The following UTP20 variants were observed in gnomAD, a reference collection of about 807,000 sequenced individuals.
The protein encoded by UTP20 is small subunit processome component 20 homolog.
Under a neutral mutation model 329.5 loss-of-function variants are expected in UTP20, and 164 were observed. That is an observed-to-expected ratio of 0.50 (90% CI 0.44 to 0.57). The LOEUF is 0.57. Ranked by LOEUF, UTP20 falls within the 20% of genes least tolerant of loss-of-function variation. The probability of loss-of-function intolerance (pLI) is 0.00; values close to 1 mark genes in which losing one functional copy is unlikely to be tolerated. For missense variants in UTP20, 3,055 were observed against 3,284.2 expected, an observed-to-expected ratio of 0.93 and a Z score of 1.71; for synonymous variants, 1,151 against 1,159.3, an observed-to-expected ratio of 0.99 and a Z score of 0.14.
chr12:101,302,701 C>T (rs1276481635), intron 15 of UTP20, 148 bp downstream of exon 15: 7 of 558,460 alleles, frequency 1.3e-5, no homozygotes, highest in African/African-American at 1.2e-4. Flanking sequence ...GATTTAGATC[C>T]TCCAGTTAAA....
At position 101,290,168 on chromosome 12, in the gene UTP20, T is replaced by A. The variant is rs755877160; in HGVS notation, c.629T>A (p.Met210Lys). ...GATAAAAACGCACTTTTCAATTTAA[T>A]GTTTCTTGATCTTGATAAACATCCA... ...VSDKNALFNL[M>K]FLDLDKHPEK... The change falls in exon 7 of 62, where the codon ATG becomes AAG. Residue 210 changes from methionine to lysine, a missense_variant. Physicochemically the swap from Met to Lys is moderately conservative, Grantham distance 95. Around this residue, in one of 3 missense-constraint regions of UTP20, gnomAD observed 2,445 missense variants for 2,575.5 expected, o/e 0.95. Coordinates refer to ENST00000261637, the MANE Select transcript of UTP20 (RefSeq NM_014503.3). 7 of 1,603,702 alleles carry A rather than the reference T, an allele frequency of 4.4e-6. No individual in the cohort carries two copies. The highest frequency in any genetic ancestry group is 6.0e-6 in the Non-Finnish European group (7 of 1,174,460).
intron 15 of UTP20, among the ~76,000 whole-genome samples, chr12:101,305,498 C>T (rs182310350): frequency 6.7e-4 from 100 of 148,982 alleles, no homozygotes; most frequent in African/African-American, 2.3e-3. Context: ...CTCATTAGCT[C>T]GGTGCCTGGC....
chr12:101,359,112 G>A (rs7953939), intron 43 of UTP20, among the ~76,000 whole-genome samples: 33,112 of 151,976 alleles, frequency 0.22, 8,187 homozygotes, highest in African/African-American at 0.58. Context: ...TGTTGCTCAG[G>A]CTGGAGTGCA....
At chr12:101,350,177 A>G (rs1235894660) in intron 38 of UTP20, among the ~76,000 whole-genome samples, 3 of 152,082 alleles carry the variant, frequency 2.0e-5, no homozygotes, top group Non-Finnish European at 4.4e-5. Flanking sequence ...CAAGGCTGCT[A>G]GAAAACTTGC....
intron 26 of UTP20, 64 bp from the exon 27 acceptor site, chr12:101,329,177 A>G (rs1868669996): frequency 1.4e-6 from 2 of 1,390,584 alleles, no homozygotes; most frequent in Non-Finnish European, 1.0e-6. Context: ...TAAAACTACA[A>G]TTATAAATAG....
At chr12:101,348,954 T>G (rs2120957660) in intron 38 of UTP20, among the ~76,000 whole-genome samples, 1 of 152,210 alleles carries the variant, frequency 6.6e-6, no homozygotes, top group Middle Eastern at 3.4e-3. Flanking sequence ...CAGCTTTTGT[T>G]TGTCTTTTCT....
intron 55 of UTP20, among the ~76,000 whole-genome samples, chr12:101,375,286 T>C (rs1295580865): frequency 1.3e-5 from 2 of 151,694 alleles, no homozygotes; most frequent in African/African-American, 4.9e-5. Flanking sequence ...GGTTGGGGGA[T>C]TCAAGTTAAA....
intron 25 of UTP20, among the ~76,000 whole-genome samples, chr12:101,326,067 C>T (rs919718931): frequency 6.6e-6 from 1 of 152,166 alleles, no homozygotes; most frequent in African/African-American, 2.4e-5. Flanking sequence ...AAGATTCATT[C>T]AAAGTGCAAG....
chr12:101,340,716 G>C (rs886070949), intron 32 of UTP20, 106 bp downstream of exon 32: 1 of 709,650 alleles, frequency 1.4e-6, no homozygotes, highest in Non-Finnish European at 2.4e-6. Context: ...TGCATTTGTC[G>C]CAAGGAACTT....
chr12:101,385,755 A>ATGTTCACTGGACTTGATAACTACTAAG, intron 61 of UTP20, 27 bp downstream of exon 61: 1 of 1,602,964 alleles, frequency 6.2e-7, no homozygotes, highest in Non-Finnish European at 8.5e-7. Flanking sequence ...AAAATATGGC[A>ATGTTCACTGGACTTGATAACTACTAAG]TGTTCACTGG....
chr12:101,280,153 C>G lies in UTP20; in HGVS notation c.-130C>G. Reference sequence around the variant, plus strand: ...ACATGGCGGCGCCCAGGGGCTCAAGCCGCACGTGAGAAAGTCTGGGCATCT... The same window carrying G: ...ACATGGCGGCGCCCAGGGGCTCAAGGCGCACGTGAGAAAGTCTGGGCATCT... On this transcript the variant is annotated 5_prime_UTR_variant, in exon 1 of 62. Transcript: ENST00000261637. The G allele has an allele frequency of 8.1e-7, 1 of 1,235,954 alleles. No individual in the cohort carries two copies. The highest frequency in any genetic ancestry group is 1.1e-6 in the Non-Finnish European group (1 of 891,334). The allele number at this position is 1,235,954 out of a possible 1,614,324, so 76.6% of individuals were successfully genotyped here. A position where few individuals can be genotyped will look rare whatever the true frequency, so the allele number is the denominator to read the frequency against.
Position 101,308,247 on chromosome 12 carries a change from A to G in UTP20, c.2058A>G (p.Pro686=), listed in dbSNP as rs2137249558. The G allele has an allele frequency of 6.2e-7, 1 of 1,613,300 alleles. No individual in the cohort carries two copies. Among genetic ancestry groups the G allele is most frequent in the Non-Finnish European group, 8.5e-7 (1 of 1,179,650 alleles). Residue 686 remains proline (P), a synonymous_variant, in exon 18 of 62, where the codon CCA becomes CCG. Coordinates refer to ENST00000261637, the MANE Select transcript of UTP20 (RefSeq NM_014503.3). The stretch of plus-strand genomic sequence containing the variant: ...TATTACGCCAGGCAGAACTTGTTCC[A>G]GCAACTGTGAATGATTATAGAGAGA... The part of the protein sequence containing the change: ...FAILRQAELV[P]ATVNDYREKL...
rs1868377651 is a variant in UTP20 at position 101,321,717 on chromosome 12, A to G, written c.3041+88A>G. ...GTATTATGGTTCTTTCAACAACTGT[A>G]ATAGAATATTTCATTTTCTATTTTC... is the stretch of plus-strand genomic sequence containing the variant. On this transcript the variant is annotated intron_variant, in intron 25 of 61. Transcript: ENST00000261637. 7.6e-6 allele frequency: 11 copies of G among 1,454,688 alleles called. No individual in the cohort carries two copies. In the East Asian group the frequency reaches 2.6e-4, roughly 35 times the overall value. 90.1% of individuals were successfully genotyped at this position (1,454,688 alleles called of 1,614,324 possible).
At position 101,293,216 on chromosome 12, in the gene UTP20, G is replaced by C; in HGVS notation, c.1222G>C (p.Val408Leu). ...EKRLIFSFSE[V>L]MFAMKQFEQL... is the part of the protein sequence containing the mutation. ...ACGTTTAATTTTCAGTTTTTCTGAA[G>C]TCATGTTTGCCATGAAGCAGTTTGA... The change falls in exon 11 of 62, where the codon GTC becomes CTC. Residue 408 changes from valine (V) to leucine (L), a missense_variant. This residue lies in a region of UTP20 where 2,445 missense variants were observed against 2,575.5 expected (regional missense o/e 0.95). Coordinates refer to ENST00000261637, the MANE Select transcript of UTP20 (RefSeq NM_014503.3). The C allele has an allele frequency of 6.2e-7, 1 of 1,614,084 alleles. No individual in the cohort carries two copies. The highest frequency in any genetic ancestry group is 8.5e-7 in the Non-Finnish European group (1 of 1,180,016).
chr12:101,371,311 G>C, intron 51 of UTP20, 143 bp downstream of exon 51: 1 of 613,452 alleles, frequency 1.6e-6, no homozygotes, highest in Admixed American at 3.8e-5. Flanking sequence ...CCTGGTGCAG[G>C]TGGTCAGGGG....
intron 19 of UTP20, 61 bp from the exon 20 acceptor site, chr12:101,311,658 A>C: frequency 7.5e-7 from 1 of 1,339,596 alleles, no homozygotes. Flanking sequence ...TTTTTTTTCT[A>C]TGAGCAATCT....
intron 58 of UTP20, among the ~76,000 whole-genome samples, chr12:101,382,035 A>AAAG (rs1326601585): frequency 6.0e-5 from 9 of 151,146 alleles, no homozygotes; most frequent in South Asian, 4.2e-4. Context: ...AAAAAAAAAA[A>AAAG]AGAGAGAGAA....
intron 58 of UTP20, among the ~76,000 whole-genome samples, chr12:101,381,454 T>C (rs188246832): frequency 9.5e-4 from 144 of 151,942 alleles, no homozygotes; most frequent in African/African-American, 3.3e-3. Flanking sequence ...GAGAATTGCT[T>C]GAACGTGGGA....
rs200641573 is a variant in UTP20 at position 101,312,259 on chromosome 12, T to C, written c.2535T>C (p.Leu845=). Residue 845 remains leucine, a synonymous_variant, in exon 21 of 62, where the codon CTT becomes CTC. Transcript: ENST00000261637. ...VEPRSRELSP[L]FLRFINNEYY... The stretch of plus-strand genomic sequence containing the variant: ...CACGGTCCAGGGAGCTTTCCCCGCT[T>C]TTCTTGAGATTTATCAAGTAAGTTT... 110 of 1,613,950 alleles carry C rather than the reference T, an allele frequency of 6.8e-5. No individual in the cohort carries two copies. The highest frequency in any genetic ancestry group is 8.7e-5 in the Non-Finnish European group (103 of 1,180,006).
Sources: allele counts gnomAD v4.1 joint callset (sites outside exome capture counted in the v4.1 genomes callset), GRCh38; gene constraint gnomAD v4.1.1; regional missense constraint gnomAD v4.1.1; transcripts MANE v1.5; gene names NCBI Gene and HGNC (gene_info 2026-07-23, HGNC 2026-07-21).